Variants in CSMD1 observed in about 807,000 individuals in gnomAD.
CSMD1 encodes the protein CUB and Sushi multiple domains 1.
Under a neutral mutation model 417.5 loss-of-function variants are expected in CSMD1, and 213 were observed. The observed-to-expected ratio is 0.51, with a 90% CI of 0.46 to 0.57. The LOEUF (loss-of-function observed/expected upper bound fraction) is 0.57, where lower values mean the gene tolerates loss of function less well. CSMD1 is among the 20% of genes least tolerant of loss of function. The pLI, the probability that CSMD1 is intolerant of heterozygous loss-of-function variation, is 0.00. For synonymous variants in CSMD1, 2,862 were observed against 1,736.8 expected, an observed-to-expected ratio of 1.65 and a Z score of -16.11; for missense variants, 6,923 against 4,529.7, an observed-to-expected ratio of 1.53 and a Z score of -15.17.
intron 3 of CSMD1, among the ~76,000 whole-genome samples, chr8:4,395,787 T>A (rs901303285): frequency 6.6e-6 from 1 of 152,130 alleles, no homozygotes; most frequent in Admixed American, 6.5e-5. Context: ...AAGAAGAGAA[T>A]ACAATTCAAT....
At chr8:3,898,706 G>A (rs1023188644) in intron 5 of CSMD1, among the ~76,000 whole-genome samples, 5 of 152,198 alleles carry the variant, frequency 3.3e-5, no homozygotes, top group Non-Finnish European at 7.3e-5. Context: ...GAATGGACAG[G>A]TGTAGGAATT....
chr8:3,988,096 T>A (rs1160123600), intron 5 of CSMD1, among the ~76,000 whole-genome samples: 1 of 152,116 alleles, frequency 6.6e-6, no homozygotes, highest in Non-Finnish European at 1.5e-5. Context: ...ATATTGTGAT[T>A]TTTTTATACC....
chr8:3,437,419 G>C (rs763592182), intron 12 of CSMD1, among the ~76,000 whole-genome samples: 35 of 152,058 alleles, frequency 2.3e-4, no homozygotes, highest in Non-Finnish European at 4.3e-4. Context: ...TATCCTAAAG[G>C]CTGAATTAAA....
At chr8:3,458,093 G>A (rs376417440) in intron 12 of CSMD1, among the ~76,000 whole-genome samples, 3 of 152,136 alleles carry the variant, frequency 2.0e-5, no homozygotes, top group South Asian at 2.1e-4. Flanking sequence ...TTGCTCTAAC[G>A]TGAGCCCCGC....
chr8:4,612,743 G>A (rs900527302), intron 2 of CSMD1, among the ~76,000 whole-genome samples: 1 of 152,166 alleles, frequency 6.6e-6, no homozygotes, highest in Non-Finnish European at 1.5e-5. Context: ...GTGTGCAAAT[G>A]TGTGTGTACC....
At chr8:3,092,809 G>A (rs1373534738) in intron 47 of CSMD1, among the ~76,000 whole-genome samples, 2 of 152,118 alleles carry the variant, frequency 1.3e-5, no homozygotes, top group Non-Finnish European at 2.9e-5. Flanking sequence ...AATGAGCTCA[G>A]CATTATCTCA....
At chr8:3,807,059 T>A (rs1029806131) in intron 5 of CSMD1, among the ~76,000 whole-genome samples, 1 of 152,124 alleles carries the variant, frequency 6.6e-6, no homozygotes, top group Non-Finnish European at 1.5e-5. Flanking sequence ...TCTGGTAGCT[T>A]AATTATTACT....
intron 3 of CSMD1, among the ~76,000 whole-genome samples, chr8:4,319,633 C>A (rs965178384): frequency 1.3e-5 from 2 of 152,058 alleles, no homozygotes; most frequent in Admixed American, 6.6e-5. Flanking sequence ...GGGTGAATTA[C>A]TTACCCAGTT....
intron 12 of CSMD1, among the ~76,000 whole-genome samples, chr8:3,424,236 A>T (rs967735903): frequency 5.3e-5 from 8 of 152,228 alleles, no homozygotes; most frequent in Non-Finnish European, 8.8e-5. Flanking sequence ...ATAATGAAAT[A>T]CACCATGATT....
At chr8:4,541,982 G>C (rs948468923) in intron 2 of CSMD1, among the ~76,000 whole-genome samples, 2 of 152,150 alleles carry the variant, frequency 1.3e-5, no homozygotes, top group Admixed American at 6.5e-5. Flanking sequence ...CTCAGATGTG[G>C]AGGAAGAAAT....
intron 1 of CSMD1, among the ~76,000 whole-genome samples, chr8:4,713,910 C>T (rs1808475524): frequency 6.6e-6 from 1 of 151,938 alleles, no homozygotes; most frequent in Admixed American, 6.6e-5. Flanking sequence ...GTGGGGAGGC[C>T]GAGGAGGGTG....
chr8:4,027,306 A>C (rs766060047), intron 4 of CSMD1, among the ~76,000 whole-genome samples: 3 of 152,186 alleles, frequency 2.0e-5, no homozygotes, highest in Non-Finnish European at 4.4e-5. Flanking sequence ...TCAGGAGTAG[A>C]AAGTAGGATG....
rs201906289 is a variant in CSMD1 at position 4,353,749 on chromosome 8, C to CTCT, written c.415+66203_415+66204insAGA. On this transcript the variant is annotated intron_variant, in intron 3 of 69. Transcript: ENST00000635120. ...TTTTTGTTGGGGTTCATGGAGATTTCTTTTTTTGCCCTTCACACATTTGAT... is the reference window on the plus strand; with the variant it reads ...TTTTTGTTGGGGTTCATGGAGATTTCTCTTTTTTTTGCCCTTCACACATTTGAT... Among the ~76,000 whole-genome samples the CTCT allele has an allele frequency of 3.5e-3, 534 of 152,010 alleles. 25 individuals carry two copies. The East Asian group carries it at 0.09, about 26-fold the overall frequency.
intron 3 of CSMD1, among the ~76,000 whole-genome samples, chr8:4,368,903 A>G (rs1014745261): frequency 2.0e-5 from 3 of 151,996 alleles, no homozygotes; most frequent in Non-Finnish European, 2.9e-5. Flanking sequence ...CAAATCATCA[A>G]CTTTTGGTTT....
chr8:3,889,667 G>A (rs1240891203), intron 5 of CSMD1, among the ~76,000 whole-genome samples: 1 of 151,124 alleles, frequency 6.6e-6, no homozygotes, highest in South Asian at 2.1e-4. Flanking sequence ...CCTATCTACT[G>A]TCTATCTGCA....
At chr8:3,710,117 C>T (rs528104746) in intron 6 of CSMD1, among the ~76,000 whole-genome samples, 2 of 134,836 alleles carry the variant, frequency 1.5e-5, no homozygotes, top group African/African-American at 5.2e-5. Context: ...TCATGACACA[C>T]CTTTTTGGAT....
intron 1 of CSMD1, among the ~76,000 whole-genome samples, chr8:4,732,995 G>A (rs751347679): frequency 1.3e-5 from 2 of 150,886 alleles, no homozygotes; most frequent in East Asian, 1.9e-4. Context: ...CTAGGGCTAC[G>A]CTCCTCTTTC....
intron 1 of CSMD1, among the ~76,000 whole-genome samples, chr8:4,739,184 G>C (rs1810442754): frequency 6.6e-6 from 1 of 152,106 alleles, no homozygotes; most frequent in Non-Finnish European, 1.5e-5. Context: ...TAGATCCCGT[G>C]TATTTGTTCA....
Position 3,087,188 on chromosome 8 carries a change from A to G in CSMD1, c.7383T>C (p.Pro2461=). The G allele has an allele frequency of 6.2e-7, 1 of 1,614,002 alleles. No individual in the cohort carries two copies. Among genetic ancestry groups the G allele is most frequent in the Non-Finnish European group, 8.5e-7 (1 of 1,179,900 alleles). Residue 2461 remains proline, a synonymous_variant, in exon 49 of 70, where the codon CCT becomes CCC. Coordinates refer to ENST00000635120, the MANE Select transcript of CSMD1 (RefSeq NM_033225.6). The part of the protein sequence containing the change: ...VGSKVHYFCK[P]GYRMVGHSNA... ...TGCTGTGGCCGACCATTCGGTATCC[A>G]GGCTTGCAAAAATAATGCACTTTGC...
Sources: gnomAD v4.1 joint callset for allele counts (sites outside exome capture counted in the v4.1 genomes callset) on GRCh38, gnomAD v4.1.1 for gene constraint, MANE v1.5 for transcripts, NCBI Gene and HGNC (gene_info 2026-07-23, HGNC 2026-07-21) for gene names.